Variants in CNTRL observed in about 807,000 individuals in gnomAD.
CNTRL encodes the protein 110 kDa centrosomal protein.
A neutral mutation model predicts 303.7 loss-of-function variants in CNTRL; 233 were observed. The ratio of observed to expected loss-of-function variants is 0.77; its 90% confidence interval spans 0.69 to 0.86. The LOEUF (loss-of-function observed/expected upper bound fraction) is 0.86. CNTRL is among the 40% of genes least tolerant of loss of function. CNTRL has a pLI of 0.00. For synonymous variants in CNTRL, 900 were observed against 922.2 expected, an observed-to-expected ratio of 0.98 and a Z score of 0.44; for missense variants, 2,524 against 2,650.6, an observed-to-expected ratio of 0.95 and a Z score of 1.05.
chr9:121,177,371 C>CA lies in CNTRL; in HGVS notation c.*186dup, dbSNP rs2132005020. 2.1e-6 allele frequency: 1 copy of CA among 487,762 alleles called. No homozygotes were observed. Among genetic ancestry groups the CA allele is most frequent in the African/African-American group, 2.0e-5 (1 of 49,458 alleles). 30.2% of individuals were successfully genotyped at this position (487,762 alleles called of 1,614,324 possible). A position where few individuals can be genotyped will look rare whatever the true frequency, so the allele number is the denominator to read the frequency against. Reference sequence around the variant, plus strand: ...TTTTATAAATCACTTGTACATAGTACATATGGGAATAGTTGCATATGGGAA... The same window carrying CA: ...TTTTATAAATCACTTGTACATAGTACAATATGGGAATAGTTGCATATGGGAA... On this transcript the variant is annotated 3_prime_UTR_variant, in exon 44 of 44. Coordinates refer to ENST00000373855, the MANE Select transcript of CNTRL (RefSeq NM_007018.6).
intron 4 of CNTRL, among the ~76,000 whole-genome samples, chr9:121,092,747 T>TAG (rs2048704012): frequency 1.1e-5 from 1 of 90,068 alleles, no homozygotes; most frequent in Non-Finnish European, 2.0e-5. Context: ...TATATCTATA[T>TAG]ATAATATATA....
rs1438450364 is a variant in CNTRL, at chr9:121,141,432, A to G, written c.2535A>G (p.Lys845=). Residue 845 remains lysine, a synonymous_variant, in exon 18 of 44, where the codon AAA becomes AAG. Coordinates refer to ENST00000373855, the MANE Select transcript of CNTRL (RefSeq NM_007018.6). ...GGAAAAGTCTTGCTGATTTACAGAA[A>G]CAATTCAGTGAAATTCTTGCACGCT... ...VLGKSLADLQ[K]QFSEILARSK... 3 of 1,614,082 alleles carry G rather than the reference A, an allele frequency of 1.9e-6. No homozygotes were observed. Among genetic ancestry groups the G allele is most frequent in the Non-Finnish European group, 2.5e-6 (3 of 1,179,974 alleles).
At chr9:121,121,050 A>C (rs1390706774) in intron 12 of CNTRL, among the ~76,000 whole-genome samples, 2 of 152,222 alleles carry the variant, frequency 1.3e-5, no homozygotes. Context: ...GAAATAATCA[A>C]GAGTGAGATG....
intron 31 of CNTRL, among the ~76,000 whole-genome samples, chr9:121,159,330 C>T (rs539166355): frequency 2.7e-4 from 41 of 152,188 alleles, no homozygotes; most frequent in Non-Finnish European, 4.9e-4. Flanking sequence ...AGCTTCATGC[C>T]ACCTCCTCTT....
At chr9:121,107,645 G>A (rs1193978121) in intron 7 of CNTRL, among the ~76,000 whole-genome samples, 157 bp from the exon 8 acceptor site, 2 of 152,092 alleles carry the variant, frequency 1.3e-5, no homozygotes, top group African/African-American at 2.4e-5. Flanking sequence ...TCAAGATCAG[G>A]ATAGTCTTTT....
At chr9:121,168,439 G>A (rs1199039746) in intron 38 of CNTRL, 118 bp downstream of exon 38, 3 of 793,710 alleles carry the variant, frequency 3.8e-6, no homozygotes, top group Non-Finnish European at 6.0e-6. Flanking sequence ...GGAGGCAGGA[G>A]AAGTAAAGCA....
At chr9:121,096,640 A>T in intron 6 of CNTRL, 77 bp downstream of exon 6, 1 of 1,195,024 alleles carries the variant, frequency 8.4e-7, no homozygotes, top group Non-Finnish European at 1.1e-6. Context: ...TTTTTTAAAA[A>T]TGGGATTTCT....
At chr9:121,092,009 A>T (rs1336852867) in intron 4 of CNTRL, among the ~76,000 whole-genome samples, 1 of 147,096 alleles carries the variant, frequency 6.8e-6, no homozygotes, top group Non-Finnish European at 1.5e-5. Context: ...TTTAGTCAAC[A>T]AGTATTTATT....
At chr9:121,164,559 A>C (rs2057465) in intron 34 of CNTRL, among the ~76,000 whole-genome samples, 106,164 of 152,134 alleles carry the variant, frequency 0.7, 37,546 homozygotes, top group East Asian at 0.96. Context: ...AGCAAGTCCA[A>C]ACTGTATGAC....
intron 13 of CNTRL, among the ~76,000 whole-genome samples, chr9:121,124,874 G>A (rs2050423105): frequency 6.6e-6 from 1 of 151,572 alleles, no homozygotes; most frequent in Admixed American, 6.6e-5. Flanking sequence ...AGCTCAGGGA[G>A]GTTGAGGCTA....
At chr9:121,133,782 G>A (rs1003851734) in intron 14 of CNTRL, among the ~76,000 whole-genome samples, 2 of 152,164 alleles carry the variant, frequency 1.3e-5, no homozygotes, top group African/African-American at 2.4e-5. Context: ...TGGCCATCTC[G>A]GAACGGGATT....
intron 34 of CNTRL, among the ~76,000 whole-genome samples, 156 bp from the exon 35 acceptor site, chr9:121,164,787 A>G (rs1373032181): frequency 6.6e-6 from 1 of 152,212 alleles, no homozygotes; most frequent in East Asian, 1.9e-4. Flanking sequence ...AAAGCTGATA[A>G]TAAGATTCTG....
At position 121,142,261 on chromosome 9, in the gene CNTRL, A is replaced by C; in HGVS notation, c.2862A>C (p.Leu954Phe). 2 of 1,599,876 alleles carry C rather than the reference A, an allele frequency of 1.3e-6. No individual in the cohort carries two copies. Among genetic ancestry groups the C allele is most frequent in the Non-Finnish European group, 1.7e-6 (2 of 1,176,268 alleles). Residue 954 changes from leucine (L) to phenylalanine (F), a missense_variant, in exon 19 of 44, where the codon TTA becomes TTC. Leu to Phe is a conservative substitution (Grantham distance 22). Coordinates refer to ENST00000373855, the MANE Select transcript of CNTRL (RefSeq NM_007018.6). ...GAATTCTGGCCCAACTCCGAGAGTT[A>C]GAGAAAAAGGTAGGGGAGACTTAGA... ...KERILAQLRE[L>F]EKKKKLEDAK...
At chr9:121,161,145 T>C (rs941348403) in intron 32 of CNTRL, 1 of 380,408 alleles carries the variant, frequency 2.6e-6, no homozygotes, top group African/African-American at 2.1e-5. Context: ...TGTGTGTGTG[T>C]GCGCGCGTGC....
Position 121,113,691 on chromosome 9 carries a change from C to G in CNTRL, c.1312C>G (p.Gln438Glu), listed in dbSNP as rs189082329. ...NLRGHTPLDT[Q>E]LEDKEKKISA... ...GAGAGGCCACACACCACTGGACACG[C>G]AACTGGAAGACAAAGAAAAAAAAAT... The change falls in exon 10 of 44, where the codon CAA (glutamine) becomes GAA (glutamate). Residue 438 changes from glutamine (Q) to glutamate (E), a missense_variant. Physicochemically the swap from Gln to Glu is conservative, Grantham distance 29. Transcript: ENST00000373855. 50 of 1,537,862 alleles carry G rather than the reference C, an allele frequency of 3.3e-5. No homozygotes were observed. The highest frequency in any genetic ancestry group is 4.3e-6 in the Non-Finnish European group (5 of 1,150,872).
intron 2 of CNTRL, among the ~76,000 whole-genome samples, chr9:121,084,318 TG>T (rs2048261656): frequency 6.6e-6 from 1 of 152,214 alleles, no homozygotes; most frequent in African/African-American, 2.4e-5. Context: ...CACCTAACCT[TG>T]CAAATGTAGG....
intron 22 of CNTRL, among the ~76,000 whole-genome samples, chr9:121,145,626 G>A (rs1484208139): frequency 6.6e-6 from 1 of 152,218 alleles, no homozygotes; most frequent in Non-Finnish European, 1.5e-5. Context: ...CGAGCACAGT[G>A]GCTCATGCCT....
intron 9 of CNTRL, 36 bp downstream of exon 9, chr9:121,112,614 A>G: frequency 6.2e-7 from 1 of 1,604,584 alleles, no homozygotes; most frequent in Non-Finnish European, 8.5e-7. Context: ...TCCAAAGTTA[A>G]AGCCCACATG....
chr9:121,166,216 T>C lies in CNTRL; in HGVS notation c.5655+36T>C, dbSNP rs377569822. 452 of 1,434,520 alleles carry C rather than the reference T, an allele frequency of 3.2e-4. 1 individual carries two copies. The highest frequency in any genetic ancestry group is 4.0e-4 in the Non-Finnish European group (409 of 1,032,786). 88.9% of individuals were successfully genotyped at this position (1,434,520 alleles called of 1,614,324 possible). A position where few individuals can be genotyped will look rare whatever the true frequency, so the allele number is the denominator to read the frequency against. On this transcript the variant is annotated intron_variant, in intron 36 of 43. Coordinates refer to ENST00000373855, the MANE Select transcript of CNTRL (RefSeq NM_007018.6). The stretch of plus-strand genomic sequence containing the variant: ...CAAATGTAATATTCTAGTAGTATAC[T>C]GAGGGTATGCAGACCATTGGTTTAA...
Sources: gnomAD v4.1 joint callset for allele counts (sites outside exome capture counted in the v4.1 genomes callset) on GRCh38, gnomAD v4.1.1 for gene constraint, MANE v1.5 for transcripts, NCBI Gene and HGNC (gene_info 2026-07-23, HGNC 2026-07-21) for gene names.